Variants in OTC observed in about 807,000 individuals in gnomAD.
The protein encoded by OTC is ornithine transcarbamylase, mitochondrial.
A neutral mutation model predicts 30.3 loss-of-function variants in OTC; 3 were observed. The observed-to-expected ratio is 0.10, with a 90% CI of 0.05 to 0.26. The LOEUF is 0.26. Ranked by LOEUF, OTC falls within the 10% of genes least tolerant of loss-of-function variation. OTC has a pLI of 1.00. For synonymous variants in OTC, 111 were observed against 99.7 expected, an observed-to-expected ratio of 1.11 and a Z score of -0.67; for missense variants, 194 against 260.3, an observed-to-expected ratio of 0.75 and a Z score of 1.75.
intron 1 of OTC, among the ~76,000 whole-genome samples, chrX:38,366,803 T>C (rs1401131141): frequency 1.8e-5 from 2 of 111,686 alleles, no homozygotes; most frequent in East Asian, 5.6e-4. Flanking sequence ...TCCAAAATAC[T>C]GGACATACAA....
At chrX:38,401,569 C>A in intron 5 of OTC, 141 bp downstream of exon 5, 1 of 528,245 alleles carries the variant, frequency 1.9e-6, no homozygotes, top group East Asian at 3.6e-5. Context: ...CTTGTGTGTG[C>A]ATTTTCTGGG....
upstream of OTC, among the ~76,000 whole-genome samples, chrX:38,348,623 G>A (rs1406627022): frequency 3.0e-5 from 3 of 101,664 alleles, no homozygotes; most frequent in Admixed American, 1.1e-4. Context: ...TGCAAGCTCC[G>A]CCTCCTGGGT....
At position 38,379,202 on chromosome X, in the gene OTC, T is replaced by C. The variant is rs777636990; in HGVS notation, c.299-2140T>C. On this transcript the variant is annotated intron_variant, in intron 3 of 9. Coordinates refer to ENST00000039007, the MANE Select transcript of OTC (RefSeq NM_000531.6). The stretch of plus-strand genomic sequence containing the variant: ...TTACAACTCTAGGCAAACTGTCTTC[T>C]TTTTCAGATGAAGAAGACTGAGTCC... 4.5e-5 allele frequency among the ~76,000 whole-genome samples: 5 copies of C among 111,969 alleles called. No individual in the cohort carries two copies. The East Asian group carries it at 1.1e-3, about 25-fold the overall frequency.
At chrX:38,413,607 T>C (rs941591928) in intron 9 of OTC, among the ~76,000 whole-genome samples, 5 of 111,069 alleles carry the variant, frequency 4.5e-5, no homozygotes, top group Non-Finnish European at 9.4e-5. Flanking sequence ...GGGGGTCTTG[T>C]TAAGGTGCAG....
chrX:38,327,972 C>G, the OTC span, among the ~76,000 whole-genome samples: 2 of 112,707 alleles, frequency 1.8e-5, no homozygotes, highest in African/African-American at 6.5e-5. Flanking sequence ...AGTACTATTA[C>G]AACCCTGTAA....
chrX:38,363,447 G>A (rs775183886), intron 1 of OTC, among the ~76,000 whole-genome samples: 2 of 111,444 alleles, frequency 1.8e-5, no homozygotes, highest in Admixed American at 9.5e-5. Context: ...TTAAGCTGCC[G>A]TGCCTTCATT....
chrX:38,334,049 T>G, the OTC span, among the ~76,000 whole-genome samples: 1 of 112,060 alleles, frequency 8.9e-6, no homozygotes, highest in African/African-American at 3.2e-5. Flanking sequence ...CTTTCCTTCC[T>G]CAGGGTAGAG....
the OTC span, among the ~76,000 whole-genome samples, chrX:38,331,575 C>T: frequency 9.4e-6 from 1 of 106,453 alleles, no homozygotes; most frequent in Non-Finnish European, 1.9e-5. Context: ...TGAGCCACCA[C>T]GCCTGTCCTA....
intron 3 of OTC, among the ~76,000 whole-genome samples, chrX:38,377,827 G>T (rs1251311296): frequency 9.0e-6 from 1 of 111,130 alleles, no homozygotes; most frequent in Non-Finnish European, 1.9e-5. Context: ...CTACCTTCTT[G>T]TTGTCTCTCT....
At chrX:38,386,372 CAAA>C (rs35048362) in intron 4 of OTC, among the ~76,000 whole-genome samples, 1 of 84,033 alleles carries the variant, frequency 1.2e-5, no homozygotes, top group African/African-American at 4.5e-5. Flanking sequence ...GACTCCATCT[CAAA>C]AAAAAAAAAA....
At chrX:38,358,782 C>T (rs2068255472) in intron 1 of OTC, among the ~76,000 whole-genome samples, 1 of 109,353 alleles carries the variant, frequency 9.1e-6, no homozygotes, top group African/African-American at 3.3e-5. Flanking sequence ...CCACCATGCC[C>T]AGCTAATTTT....
intron 9 of OTC, 94 bp from the exon 10 acceptor site, chrX:38,420,929 C>A: frequency 1.6e-6 from 1 of 613,190 alleles, no homozygotes; most frequent in Admixed American, 2.4e-5. Context: ...AACTGTAACC[C>A]TGCAAAGCTG....
chrX:38,332,504 T>TTATATTTATATATATATATA, the OTC span, among the ~76,000 whole-genome samples: 1 of 39,381 alleles, frequency 2.5e-5, no homozygotes, highest in Non-Finnish European at 4.7e-5. Flanking sequence ...GCCCTAGATT[T>TTATATTTATATATATATATA]TATATATATA....
chrX:38,375,625 A>G (rs752929149), intron 3 of OTC, among the ~76,000 whole-genome samples: 12 of 111,616 alleles, frequency 1.1e-4, no homozygotes, highest in Non-Finnish European at 1.7e-4. Flanking sequence ...AGCAAATGTG[A>G]AGGCTGGTGA....
chrX:38,384,452 T>G (rs1191756714), intron 4 of OTC, among the ~76,000 whole-genome samples: 1 of 112,306 alleles, frequency 8.9e-6, no homozygotes, highest in Non-Finnish European at 1.9e-5. Flanking sequence ...TAAAGCTAAA[T>G]TGAAGAAGAC....
chrX:38,415,534 T>C (rs1008404095), intron 9 of OTC, among the ~76,000 whole-genome samples: 9 of 111,121 alleles, frequency 8.1e-5, no homozygotes, highest in African/African-American at 3.0e-4. Flanking sequence ...TAAATTTAAA[T>C]CTAAGCTAAT....
chrX:38,355,537 G>C (rs761835796), intron 1 of OTC, among the ~76,000 whole-genome samples: 1 of 112,233 alleles, frequency 8.9e-6, no homozygotes, highest in Non-Finnish European at 1.9e-5. Flanking sequence ...AGCCAGAGGT[G>C]ACTAGTTTTC....
intron 3 of OTC, among the ~76,000 whole-genome samples, chrX:38,374,555 C>G (rs2068336833): frequency 2.7e-5 from 3 of 111,392 alleles, no homozygotes; most frequent in Admixed American, 1.9e-4. Context: ...TGGCTCCTGC[C>G]TGTACACACT....
chrX:38,356,038 G>A (rs770330618), intron 1 of OTC, among the ~76,000 whole-genome samples: 17 of 77,503 alleles, frequency 2.2e-4, no homozygotes, highest in African/African-American at 5.2e-4. Flanking sequence ...GTGACAGAGC[G>A]AGACTCTGTC....
Sources: gnomAD v4.1 joint callset for allele counts (sites outside exome capture counted in the v4.1 genomes callset) on GRCh38, gnomAD v4.1.1 for gene constraint, MANE v1.5 for transcripts, NCBI Gene and HGNC (gene_info 2026-07-23, HGNC 2026-07-21) for gene names.